The following C2CD3 variants were observed in gnomAD, a reference collection of about 807,000 sequenced individuals.
C2CD3 encodes C2 domain containing 3 centriole elongation regulator.
C2CD3 carries 148 observed loss-of-function variants against 234.0 expected under a neutral mutation model. The ratio of observed to expected loss-of-function variants is 0.63; its 90% CI spans 0.55 to 0.72. C2CD3 has a LOEUF of 0.72. Among genes scored for constraint, C2CD3 ranks in the 30% least tolerant of loss-of-function variants. The probability of loss-of-function intolerance (pLI) is 0.00; values close to 1 mark genes in which losing one functional copy is unlikely to be tolerated. For synonymous variants in C2CD3, 1,000 were observed against 1,035.4 expected (o/e 0.97, Z 0.66); for missense variants, 2,577 against 2,811.5 (o/e 0.92, Z 1.89).
At chr11:74,125,761 C>T (rs1042653321) in intron 7 of C2CD3, among the ~76,000 whole-genome samples, 4 of 152,000 alleles carry the variant, frequency 2.6e-5, no homozygotes, top group Non-Finnish European at 5.9e-5. Context: ...GCTTAGTTTT[C>T]TTTGACTCTA....
Position 74,093,866 on chromosome 11 carries a change from A to G in C2CD3, c.3294T>C (p.Ser1098=). The G allele has an allele frequency of 8.1e-6, 13 of 1,614,108 alleles. No homozygotes were observed. The highest frequency in any genetic ancestry group is 1.1e-5 in the Non-Finnish European group (13 of 1,179,970). ...PVQRLLLSAF[S]AQGLVPGGGV... is the part of the protein sequence containing the mutation. Reference sequence around the variant, plus strand: ...CACCTCCAGGCACGAGGCCCTGTGCAGAGAAAGCACTTAGTAGGAGCCTTT... The same window carrying G: ...CACCTCCAGGCACGAGGCCCTGTGCGGAGAAAGCACTTAGTAGGAGCCTTT... Residue 1098 remains serine (S), a synonymous_variant, in exon 18 of 33, where the codon TCT becomes TCC. Transcript: ENST00000334126.
At chr11:74,121,356 C>T (rs1440865001) in intron 8 of C2CD3, among the ~76,000 whole-genome samples, 1 of 152,090 alleles carries the variant, frequency 6.6e-6, no homozygotes, top group Non-Finnish European at 1.5e-5. Flanking sequence ...CCTGTAATCC[C>T]AGCACTTTGG....
intron 2 of C2CD3, among the ~76,000 whole-genome samples, chr11:74,167,091 G>A (rs1284672469): frequency 1.3e-5 from 2 of 152,196 alleles, no homozygotes; most frequent in Non-Finnish European, 2.9e-5. Context: ...GGGGAAACAG[G>A]AATCAGATAT....
chr11:74,132,825 G>T lies in C2CD3; in HGVS notation c.1217+19C>A. ...GGAGGAAGAGTTTAAAAGGAAGAAAGCCAGTTAATAGTGCTTACCTGCCTA... is the reference window on the plus strand; with the variant it reads ...GGAGGAAGAGTTTAAAAGGAAGAAATCCAGTTAATAGTGCTTACCTGCCTA... On this transcript the variant is annotated intron_variant, in intron 7 of 32. Transcript: ENST00000334126. 1.9e-6 allele frequency: 3 copies of T among 1,607,110 alleles called. No individual in the cohort carries two copies. Among genetic ancestry groups the T allele is most frequent in the Non-Finnish European group, 2.5e-6 (3 of 1,177,330 alleles).
chr11:74,132,208 A>G (rs1302216062), intron 7 of C2CD3, among the ~76,000 whole-genome samples: 2 of 152,116 alleles, frequency 1.3e-5, no homozygotes. Flanking sequence ...AAAATTAGCC[A>G]AAAGTGGTAC....
At chr11:74,043,471 T>C (rs1047002292) in intron 28 of C2CD3, among the ~76,000 whole-genome samples, 12 of 152,098 alleles carry the variant, frequency 7.9e-5, no homozygotes, top group African/African-American at 2.7e-4. Flanking sequence ...GTGTGGACAT[T>C]TGTTTTCATT....
intron 28 of C2CD3, among the ~76,000 whole-genome samples, 165 bp from the exon 29 acceptor site, chr11:74,042,383 T>C (rs1391655139): frequency 6.6e-6 from 1 of 152,062 alleles, no homozygotes; most frequent in Non-Finnish European, 1.5e-5. Context: ...TATAAATGTC[T>C]CCAAAATAAT....
At position 74,117,022 on chromosome 11, in the gene C2CD3, G is replaced by A. The variant is rs1320719280; in HGVS notation, c.1520+1206C>T. ...TATATGTATATATACACATATATAC[G>A]TGTATATGTATATATACGTGTGTGT... On this transcript the variant is annotated intron_variant, in intron 9 of 32. Coordinates refer to ENST00000334126, the MANE Select transcript of C2CD3 (RefSeq NM_001286577.2). Among the ~76,000 whole-genome samples, 3 of 106,026 alleles carry A rather than the reference G, an allele frequency of 2.8e-5. 1 individual carries two copies. Among genetic ancestry groups the A allele is most frequent in the Non-Finnish European group, 5.6e-5 (3 of 53,524 alleles). The allele number at this position is 106,026 out of a possible 152,430, so 69.6% of individuals were successfully genotyped here.
intron 3 of C2CD3, among the ~76,000 whole-genome samples, chr11:74,143,052 G>A (rs1410756111): frequency 6.6e-6 from 1 of 151,940 alleles, no homozygotes; most frequent in East Asian, 1.9e-4. Context: ...TGCCTTTTTG[G>A]TGCTATCTCT....
chr11:74,111,919 T>TACAC (rs61499954), intron 11 of C2CD3, among the ~76,000 whole-genome samples: 5,030 of 124,818 alleles, frequency 0.04, 118 homozygotes, highest in Non-Finnish European at 0.056. Flanking sequence ...TATTTGCTGA[T>TACAC]ACACACACAC....
At chr11:74,099,630 C>T (rs1209056483) in intron 15 of C2CD3, among the ~76,000 whole-genome samples, 3 of 152,150 alleles carry the variant, frequency 2.0e-5, no homozygotes, top group Non-Finnish European at 4.4e-5. Flanking sequence ...GGCGCGGTGG[C>T]TCATGCCTGT....
At chr11:74,166,629 T>C (rs887754156) in intron 2 of C2CD3, among the ~76,000 whole-genome samples, 1 of 152,330 alleles carries the variant, frequency 6.6e-6, no homozygotes. Flanking sequence ...ATGATATTAC[T>C]ATATGTGTCA....
At chr11:74,014,915 T>C (rs577213080) in intron 32 of C2CD3, among the ~76,000 whole-genome samples, 15 of 152,310 alleles carry the variant, frequency 9.8e-5, no homozygotes, top group Non-Finnish European at 1.9e-4. Context: ...CAGGCAGCCT[T>C]TCCTTATAAC....
intron 1 of C2CD3, among the ~76,000 whole-genome samples, chr11:74,169,163 T>A (rs1856991913): frequency 6.6e-6 from 1 of 152,228 alleles, no homozygotes; most frequent in Non-Finnish European, 1.5e-5. Flanking sequence ...ACGTCTTAAA[T>A]TGTAACTTTT....
At chr11:74,061,719 C>T (rs4353301) in intron 24 of C2CD3, among the ~76,000 whole-genome samples, 5 of 152,154 alleles carry the variant, frequency 3.3e-5, no homozygotes, top group African/African-American at 7.2e-5. Context: ...CATCGACTAA[C>T]GAGCAAAATA....
chr11:74,057,807 A>C (rs1324695020), intron 24 of C2CD3, among the ~76,000 whole-genome samples: 3 of 151,166 alleles, frequency 2.0e-5, no homozygotes, highest in Non-Finnish European at 4.4e-5. Context: ...CCCATGTATA[A>C]AAAAAAAATT....
At chr11:74,016,168 G>A (rs1032307051) in intron 32 of C2CD3, among the ~76,000 whole-genome samples, 1 of 152,224 alleles carries the variant, frequency 6.6e-6, no homozygotes, top group Non-Finnish European at 1.5e-5. Flanking sequence ...ACAGGCAGAC[G>A]TGGTTCCTGT....
intron 32 of C2CD3, among the ~76,000 whole-genome samples, chr11:74,015,870 C>T (rs1951860797): frequency 6.8e-6 from 1 of 147,388 alleles, no homozygotes; most frequent in South Asian, 2.1e-4. Flanking sequence ...AGTTTGTGAC[C>T]AGCTTGGTCA....
At chr11:74,149,586 G>A (rs76974141) in intron 3 of C2CD3, among the ~76,000 whole-genome samples, 10,074 of 151,392 alleles carry the variant, frequency 0.067, 835 homozygotes, top group African/African-American at 0.2. Flanking sequence ...GACACAATAG[G>A]TGTTTTGTAA....
Sources: gnomAD v4.1 joint callset for allele counts (sites outside exome capture counted in the v4.1 genomes callset) on GRCh38, gnomAD v4.1.1 for gene constraint, MANE v1.5 for transcripts, NCBI Gene and HGNC (gene_info 2026-07-23, HGNC 2026-07-21) for gene names.